STXBP5L: variants seen among roughly 807,000 people sequenced by gnomAD.
The protein encoded by STXBP5L is syntaxin-binding protein 5-like.
In STXBP5L, 65 loss-of-function variants were observed where a neutral mutation model predicts 144.5. That is an observed-to-expected ratio of 0.45 (90% CI 0.37 to 0.55). The LOEUF is 0.55. Ranked by LOEUF, STXBP5L falls within the 20% of genes least tolerant of loss-of-function variation. The pLI is 0.00. For missense variants in STXBP5L, 1,298 were observed against 1,405.5 expected, an observed-to-expected ratio of 0.92 and a Z score of 1.22; for synonymous variants, 505 against 469.6, an observed-to-expected ratio of 1.08 and a Z score of -0.97.
chr3:120,986,371 C>A (rs968599233), intron 3 of STXBP5L, among the ~76,000 whole-genome samples: 3 of 151,804 alleles, frequency 2.0e-5, no homozygotes, highest in Non-Finnish European at 2.9e-5. Context: ...GTCGAGTGTT[C>A]TGTATATGTC....
intron 19 of STXBP5L, among the ~76,000 whole-genome samples, chr3:121,303,578 C>T (rs1214121633): frequency 2.0e-5 from 3 of 152,114 alleles, no homozygotes; most frequent in Admixed American, 6.5e-5. Flanking sequence ...CACATGCACA[C>T]GTATGTTTAC....
chr3:121,272,855 TAAC>T (rs916070288), intron 18 of STXBP5L, among the ~76,000 whole-genome samples: 3 of 152,084 alleles, frequency 2.0e-5, no homozygotes, highest in Non-Finnish European at 4.4e-5. Context: ...TTAGAAATGA[TAAC>T]AACTCAACTT....
intron 5 of STXBP5L, among the ~76,000 whole-genome samples, chr3:121,059,514 T>A (rs1209508893): frequency 7.2e-5 from 11 of 151,994 alleles, no homozygotes; most frequent in Admixed American, 6.6e-4. Flanking sequence ...CTGTGAAGAA[T>A]GTCAGTGGTA....
At chr3:121,239,498 G>A (rs911157027) in intron 13 of STXBP5L, among the ~76,000 whole-genome samples, 37 of 151,026 alleles carry the variant, frequency 2.4e-4, no homozygotes, top group African/African-American at 9.0e-4. Flanking sequence ...AGAAAATGTG[G>A]CACATATACA....
chr3:121,302,910 C>T (rs1031157131), intron 19 of STXBP5L, among the ~76,000 whole-genome samples: 4 of 152,132 alleles, frequency 2.6e-5, no homozygotes, highest in Non-Finnish European at 5.9e-5. Context: ...AAACATTAGA[C>T]CTAAAACCAT....
chr3:121,191,286 C>T (rs1266125272), intron 9 of STXBP5L, among the ~76,000 whole-genome samples: 1 of 152,202 alleles, frequency 6.6e-6, no homozygotes, highest in Admixed American at 6.5e-5. Context: ...CTCTGCAATC[C>T]TGGCACCTCG....
intron 20 of STXBP5L, among the ~76,000 whole-genome samples, chr3:121,367,126 T>C (rs1046255080): frequency 2.0e-5 from 3 of 152,182 alleles, no homozygotes; most frequent in Admixed American, 6.5e-5. Context: ...CCTTTAAATA[T>C]ATTTATCTCT....
At chr3:121,079,673 A>G (rs2042171411) in intron 5 of STXBP5L, among the ~76,000 whole-genome samples, 1 of 152,158 alleles carries the variant, frequency 6.6e-6, no homozygotes, top group Non-Finnish European at 1.5e-5. Flanking sequence ...GTTTTATTGC[A>G]TTGTGGTCTG....
chr3:121,323,233 T>G (rs2044034401), intron 20 of STXBP5L, among the ~76,000 whole-genome samples: 1 of 152,170 alleles, frequency 6.6e-6, no homozygotes, highest in African/African-American at 2.4e-5. Context: ...TTGCAATTGT[T>G]TTTGAGGATT....
chr3:121,412,310 G>A (rs924259396), intron 23 of STXBP5L, among the ~76,000 whole-genome samples: 4 of 152,148 alleles, frequency 2.6e-5, no homozygotes, highest in African/African-American at 9.7e-5. Flanking sequence ...ACAGGGCTGA[G>A]AAAGAAAGTG....
At chr3:120,983,860 G>A (rs75364554) in intron 3 of STXBP5L, among the ~76,000 whole-genome samples, 18,265 of 152,206 alleles carry the variant, frequency 0.12, 1,156 homozygotes, top group Non-Finnish European at 0.14. Context: ...TCCATTCAAA[G>A]TGTGTATATT....
chr3:121,001,637 G>A (rs1943785886), intron 3 of STXBP5L, among the ~76,000 whole-genome samples: 1 of 152,132 alleles, frequency 6.6e-6, no homozygotes, highest in South Asian at 2.1e-4. Context: ...TGGCAAGAGT[G>A]GGCCACTCCA....
At chr3:121,183,473 A>G (rs1281731626) in intron 9 of STXBP5L, among the ~76,000 whole-genome samples, 1 of 152,180 alleles carries the variant, frequency 6.6e-6, no homozygotes, top group East Asian at 1.9e-4. Context: ...AGTGTACACA[A>G]ATCAGTAGCA....
In STXBP5L at chr3:121,112,761, A is replaced by T. The variant is rs1052504365; in HGVS notation, c.471-2164A>T. 2.6e-5 allele frequency among the ~76,000 whole-genome samples: 4 copies of T among 152,242 alleles called. No homozygotes were observed. In the East Asian group the frequency reaches 5.8e-4, roughly 22 times the overall value. ...ATAAGATTATTTTTCCAAGGCTTAC[A>T]TGCAGTAGAAAAAATCCTTCATCTA... On this transcript the variant is annotated intron_variant, in intron 5 of 26. Transcript: ENST00000471454.
At chr3:121,359,222 T>C (rs2045626095) in intron 20 of STXBP5L, among the ~76,000 whole-genome samples, 1 of 152,208 alleles carries the variant, frequency 6.6e-6, no homozygotes, top group South Asian at 2.1e-4. Context: ...TGAGCACCTT[T>C]TCATAAGCCT....
At chr3:121,349,964 G>A (rs1411311603) in intron 20 of STXBP5L, among the ~76,000 whole-genome samples, 10 of 152,164 alleles carry the variant, frequency 6.6e-5, no homozygotes, top group Non-Finnish European at 1.0e-4. Flanking sequence ...TTACATTTAA[G>A]GTTAATATTG....
intron 21 of STXBP5L, among the ~76,000 whole-genome samples, chr3:121,380,024 G>A (rs1411530896): frequency 6.6e-6 from 1 of 152,050 alleles, no homozygotes; most frequent in African/African-American, 2.4e-5. Context: ...TGTAGAGACA[G>A]TGTCTCACTA....
intron 5 of STXBP5L, among the ~76,000 whole-genome samples, chr3:121,094,220 A>C (rs561182313): frequency 1.1e-4 from 17 of 152,064 alleles, no homozygotes; most frequent in African/African-American, 3.9e-4. Flanking sequence ...AATAGGTGTG[A>C]TGTGGTGCTG....
intron 22 of STXBP5L, among the ~76,000 whole-genome samples, chr3:121,390,278 C>A (rs6785733): frequency 6.6e-6 from 1 of 151,904 alleles, no homozygotes; most frequent in Non-Finnish European, 1.5e-5. Flanking sequence ...AGCCTATGTG[C>A]GTCTTTGCAT....
Sources: gnomAD v4.1 joint callset for allele counts (sites outside exome capture counted in the v4.1 genomes callset) on GRCh38, gnomAD v4.1.1 for gene constraint, MANE v1.5 for transcripts, NCBI Gene and HGNC (gene_info 2026-07-23, HGNC 2026-07-21) for gene names.